The following KCNIP4 variants were observed in gnomAD, a reference collection of about 807,000 sequenced individuals.
The protein encoded by KCNIP4 is potassium voltage-gated channel interacting protein 4.
In KCNIP4, 12 loss-of-function variants were observed where a neutral mutation model predicts 34.0. The observed-to-expected ratio is 0.35, with a 90% CI of 0.23 to 0.57. KCNIP4 has a LOEUF of 0.57. KCNIP4 is among the 20% of genes least tolerant of loss of function. The probability of loss-of-function intolerance (pLI) is 0.83; values close to 1 mark genes in which losing one functional copy is unlikely to be tolerated. For missense variants in KCNIP4, 238 were observed against 311.7 expected, an observed-to-expected ratio of 0.76 and a Z score of 1.78; for synonymous variants, 124 against 102.2, an observed-to-expected ratio of 1.21 and a Z score of -1.29.
At chr4:21,096,679 A>G (rs1372211866) in intron 1 of KCNIP4, among the ~76,000 whole-genome samples, 2 of 152,144 alleles carry the variant, frequency 1.3e-5, no homozygotes, top group Admixed American at 1.3e-4. Context: ...TTCTTATTTT[A>G]TATACTAAAT....
chr4:21,332,688 C>G (rs532970977), intron 1 of KCNIP4, among the ~76,000 whole-genome samples: 1 of 152,006 alleles, frequency 6.6e-6, no homozygotes, highest in Non-Finnish European at 1.5e-5. Context: ...TCTCCATTTC[C>G]TGTAATGTAT....
chr4:21,355,653 A>G (rs1188820553), intron 1 of KCNIP4, among the ~76,000 whole-genome samples: 2 of 152,220 alleles, frequency 1.3e-5, no homozygotes, highest in Non-Finnish European at 2.9e-5. Flanking sequence ...AATTGAGGCA[A>G]CAATTAATAG....
chr4:21,350,507 A>T (rs899065018), intron 1 of KCNIP4, among the ~76,000 whole-genome samples: 3 of 152,058 alleles, frequency 2.0e-5, no homozygotes, highest in Non-Finnish European at 2.9e-5. Flanking sequence ...CTCTTTGCAG[A>T]CTCCAGTATG....
chr4:21,387,773 G>A (rs970121487), intron 1 of KCNIP4, among the ~76,000 whole-genome samples: 10 of 152,072 alleles, frequency 6.6e-5, no homozygotes, highest in East Asian at 1.9e-4. Flanking sequence ...TAGATTTGTC[G>A]TGATAATTAA....
At chr4:21,503,154 G>T (rs945250056) in intron 1 of KCNIP4, among the ~76,000 whole-genome samples, 5 of 151,990 alleles carry the variant, frequency 3.3e-5, no homozygotes, top group African/African-American at 1.2e-4. Flanking sequence ...CATTTGATGG[G>T]GAATAATTAA....
chr4:20,757,422 A>T (rs1754572289), intron 4 of KCNIP4, among the ~76,000 whole-genome samples: 1 of 152,162 alleles, frequency 6.6e-6, no homozygotes, highest in South Asian at 2.1e-4. Flanking sequence ...ACTGTAAAAG[A>T]TCCCACTTAA....
At position 21,322,128 on chromosome 4, in the gene KCNIP4, GGAAGGAAGGAGGGAGGGAGGGACA is replaced by G. The variant is rs1335759573; in HGVS notation, c.62-439443_62-439420del. Among the ~76,000 whole-genome samples the G allele has an allele frequency of 2.8e-4, 39 of 140,924 alleles. No individual in the cohort carries two copies. In the South Asian group the frequency reaches 8.5e-3, roughly 31 times the overall value. The allele number at this position is 140,924 out of a possible 152,430, so 92.5% of individuals were successfully genotyped here. A position where few individuals can be genotyped will look rare whatever the true frequency, so the allele number is the denominator to read the frequency against. On this transcript the variant is annotated intron_variant, in intron 1 of 8. Coordinates refer to ENST00000382152, the MANE Select transcript of KCNIP4 (RefSeq NM_025221.6). ...AGGAAGGGAAGGAAGAAAGGAAGAA[GGAAGGAAGGAGGGAGGGAGGGACA>G]GAAGGAAGGAAGGAAGGAAGGAAGG... is the stretch of plus-strand genomic sequence containing the variant.
At chr4:21,539,454 C>G (rs1176527654) in intron 1 of KCNIP4, among the ~76,000 whole-genome samples, 1 of 152,122 alleles carries the variant, frequency 6.6e-6, no homozygotes, top group East Asian at 1.9e-4. Flanking sequence ...TTGATGAGTG[C>G]AGTTGTAAGT....
chr4:20,984,314 C>T (rs1437639260), intron 1 of KCNIP4, among the ~76,000 whole-genome samples: 2 of 152,216 alleles, frequency 1.3e-5, no homozygotes, highest in African/African-American at 4.8e-5. Context: ...CGGGAGAACA[C>T]CGCGCGCTTC....
intron 1 of KCNIP4, among the ~76,000 whole-genome samples, chr4:21,811,571 G>A (rs576802426): frequency 8.1e-4 from 123 of 152,306 alleles, no homozygotes; most frequent in African/African-American, 2.6e-3. Flanking sequence ...CACTCATGTT[G>A]TGATGGGAGC....
rs117229816 is a variant in KCNIP4 at position 20,756,812 on chromosome 4, C to T, written c.358+2009G>A. On this transcript the variant is annotated intron_variant, in intron 4 of 8. Transcript: ENST00000382152. ...TCTCTCTTGTGTTTATTTCCATAAACTGTTCATTCTCTGTCTCCTTTGTTG... is the reference window on the plus strand; with the variant it reads ...TCTCTCTTGTGTTTATTTCCATAAATTGTTCATTCTCTGTCTCCTTTGTTG... Among the ~76,000 whole-genome samples, 353 of 152,140 alleles carry T rather than the reference C, an allele frequency of 2.3e-3. 8 individuals are homozygous for T. The South Asian group carries it at 0.046, about 20-fold the overall frequency.
chr4:21,079,957 C>T (rs142281997), intron 1 of KCNIP4, among the ~76,000 whole-genome samples: 2 of 151,960 alleles, frequency 1.3e-5, no homozygotes, highest in African/African-American at 2.4e-5. Context: ...ACATTGATGA[C>T]ATCTGATTTT....
At chr4:20,773,396 T>C (rs1159729324) in intron 3 of KCNIP4, among the ~76,000 whole-genome samples, 1 of 152,192 alleles carries the variant, frequency 6.6e-6, no homozygotes, top group African/African-American at 2.4e-5. Flanking sequence ...ACTTCAGTGC[T>C]TCCGAGCTCT....
rs149695596 is a variant in KCNIP4, at chr4:21,721,714, C to T, written c.61+226857G>A. 2.2e-3 allele frequency among the ~76,000 whole-genome samples: 333 copies of T among 152,210 alleles called. 1 individual carries two copies. The highest frequency in any genetic ancestry group is 7.4e-3 in the African/African-American group (308 of 41,546). ...CATAATTGCAGTGTTGAGCTCTGAC[C>T]TACAGATAATGTTCTGATACATCCA... On this transcript the variant is annotated intron_variant, in intron 1 of 8. Coordinates refer to ENST00000382152, the MANE Select transcript of KCNIP4 (RefSeq NM_025221.6).
At chr4:21,032,489 T>G (rs1741109930) in intron 1 of KCNIP4, among the ~76,000 whole-genome samples, 1 of 152,092 alleles carries the variant, frequency 6.6e-6, no homozygotes, top group Non-Finnish European at 1.5e-5. Context: ...AAACATTCTT[T>G]TGAGGTTGAA....
In KCNIP4 at chr4:21,578,061, C is replaced by A. The variant is rs187776143; in HGVS notation, c.61+370510G>T. Among the ~76,000 whole-genome samples the A allele has an allele frequency of 4.3e-4, 66 of 151,784 alleles. No homozygotes were observed. In the East Asian group the frequency reaches 7.0e-3, roughly 16 times the overall value. ...TAGATTATTAAGAGTTCAGGCCGGG[C>A]GCGGTGGCTCACGCCTGTAATCCCA... On this transcript the variant is annotated intron_variant, in intron 1 of 8. Transcript: ENST00000382152.
chr4:21,606,015 T>C (rs1232318969), intron 1 of KCNIP4, among the ~76,000 whole-genome samples: 4 of 152,008 alleles, frequency 2.6e-5, no homozygotes, highest in Admixed American at 2.6e-4. Flanking sequence ...ACAGGAAAAA[T>C]ATGTAGAAAG....
intron 1 of KCNIP4, among the ~76,000 whole-genome samples, chr4:20,896,303 C>T (rs1392464508): frequency 2.0e-5 from 3 of 152,160 alleles, no homozygotes; most frequent in Non-Finnish European, 4.4e-5. Flanking sequence ...TTTTACTCTC[C>T]TCTGGTTGTT....
intron 1 of KCNIP4, among the ~76,000 whole-genome samples, chr4:21,455,281 C>T (rs190557424): frequency 2.6e-5 from 4 of 152,162 alleles, no homozygotes; most frequent in African/African-American, 7.2e-5. Context: ...GGGACCAATT[C>T]GTAGAGAAGA....
Sources: gnomAD v4.1 joint callset for allele counts (sites outside exome capture counted in the v4.1 genomes callset) on GRCh38, gnomAD v4.1.1 for gene constraint, MANE v1.5 for transcripts, NCBI Gene and HGNC (gene_info 2026-07-23, HGNC 2026-07-21) for gene names.